Variants in ADARB2 observed in about 807,000 individuals in gnomAD.
The protein encoded by ADARB2 is adenosine deaminase RNA specific B2 (inactive), also known as inactive double-stranded RNA-specific editase B2.
In ADARB2, 25 loss-of-function variants were observed where a neutral mutation model predicts 62.2. The ratio of observed to expected loss-of-function variants is 0.40; its 90% CI spans 0.29 to 0.56. ADARB2 has a LOEUF of 0.56. Ranked by LOEUF, ADARB2 falls within the 20% of genes least tolerant of loss-of-function variation. The pLI is 0.43. For missense variants in ADARB2, 1,071 were observed against 1,077.4 expected (o/e 0.99, Z 0.08); for synonymous variants, 572 against 500.8 (o/e 1.14, Z -1.90).
At chr10:1,544,537 T>C (rs1175865252) in intron 1 of ADARB2, among the ~76,000 whole-genome samples, 5 of 152,004 alleles carry the variant, frequency 3.3e-5, no homozygotes, top group Non-Finnish European at 4.4e-5. Flanking sequence ...GTCTGCAGGG[T>C]TGGAGAAGGC....
Position 1,181,897 on chromosome 10 carries a change from A to G in ADARB2, c.*1296T>C, listed in dbSNP as rs1165556321. Reference sequence around the variant, plus strand: ...ATGGATTACGTAAAGATACTTGGAAAAGAGCCTGACCCCGTATGAATACAG... The same window carrying G: ...ATGGATTACGTAAAGATACTTGGAAGAGAGCCTGACCCCGTATGAATACAG... On this transcript the variant is annotated 3_prime_UTR_variant, in exon 10 of 10. Transcript: ENST00000381312. 3 of 152,226 alleles carry G rather than the reference A, an allele frequency of 2.0e-5. No homozygotes were observed. The highest frequency in any genetic ancestry group is 2.9e-5 in the Non-Finnish European group (2 of 68,052). 9.4% of individuals were successfully genotyped at this position (152,226 alleles called of 1,614,324 possible). A position where few individuals can be genotyped will look rare whatever the true frequency, so the allele number is the denominator to read the frequency against.
intron 1 of ADARB2, among the ~76,000 whole-genome samples, chr10:1,597,868 C>T (rs1441174898): frequency 6.6e-6 from 1 of 152,196 alleles, no homozygotes; most frequent in Non-Finnish European, 1.5e-5. Flanking sequence ...ATGGAATCAA[C>T]CTAAGTGTCC....
In ADARB2 at chr10:1,488,268, C is replaced by T. The variant is rs909322037; in HGVS notation, c.101-109108G>A. Among the ~76,000 whole-genome samples the T allele has an allele frequency of 4.6e-5, 7 of 151,998 alleles. No homozygotes were observed. In the East Asian group the frequency reaches 1.4e-3, roughly 30 times the overall value. On this transcript the variant is annotated intron_variant, in intron 1 of 9. Transcript: ENST00000381312. ...ACAAACATCCTACAGTTGGCACTGCCTTTTAAAGCACATCCAAAAATGACC... is the reference window on the plus strand; with the variant it reads ...ACAAACATCCTACAGTTGGCACTGCTTTTTAAAGCACATCCAAAAATGACC...
At chr10:1,437,831 A>G (rs1431386874) in intron 1 of ADARB2, among the ~76,000 whole-genome samples, 2 of 152,226 alleles carry the variant, frequency 1.3e-5, no homozygotes, top group African/African-American at 4.8e-5. Flanking sequence ...TAAAATGGGC[A>G]GAGGATATGG....
At chr10:1,268,223 GAAA>G (rs1209023617) in intron 4 of ADARB2, among the ~76,000 whole-genome samples, 1 of 152,130 alleles carries the variant, frequency 6.6e-6, no homozygotes, top group Admixed American at 6.6e-5. Flanking sequence ...AGAATCACAA[GAAA>G]AAAATTTGAA....
At chr10:1,304,660 C>G (rs1360835638) in intron 3 of ADARB2, among the ~76,000 whole-genome samples, 1 of 150,014 alleles carries the variant, frequency 6.7e-6, no homozygotes, top group Non-Finnish European at 1.5e-5. Context: ...AAAGAACAGA[C>G]ATTATAACAA....
In ADARB2 at chr10:1,409,224, G is replaced by A. The variant is rs1478446045; in HGVS notation, c.101-30064C>T. 4.1e-5 allele frequency among the ~76,000 whole-genome samples: 4 copies of A among 97,026 alleles called. 1 individual carries two copies. Among genetic ancestry groups the A allele is most frequent in the African/African-American group, 8.8e-5 (3 of 33,948 alleles). 63.7% of individuals were successfully genotyped at this position (97,026 alleles called of 152,430 possible). On this transcript the variant is annotated intron_variant, in intron 1 of 9. Coordinates refer to ENST00000381312, the MANE Select transcript of ADARB2 (RefSeq NM_018702.4). ...CTGACAGCGGGCTCCCACCTTCGTC[G>A]CCCCGCCCTGCCTGACAGCGGGCTC...
At chr10:1,372,104 T>C (rs1457502851) in intron 2 of ADARB2, among the ~76,000 whole-genome samples, 1 of 152,222 alleles carries the variant, frequency 6.6e-6, no homozygotes, top group African/African-American at 2.4e-5. Flanking sequence ...ATGTAGTACA[T>C]ATACACCATG....
intron 1 of ADARB2, among the ~76,000 whole-genome samples, chr10:1,620,955 T>G (rs1206907110): frequency 6.6e-6 from 1 of 152,230 alleles, no homozygotes; most frequent in Middle Eastern, 3.2e-3. Flanking sequence ...CAATGGAACT[T>G]CTGCAAGCTA....
At chr10:1,716,922 T>G (rs758869481) in intron 1 of ADARB2, among the ~76,000 whole-genome samples, 5 of 152,188 alleles carry the variant, frequency 3.3e-5, no homozygotes, top group Non-Finnish European at 7.4e-5. Flanking sequence ...TGCAGGCCTT[T>G]TGAATTCACT....
chr10:1,235,438 G>A (rs1055695545), intron 5 of ADARB2, among the ~76,000 whole-genome samples: 2 of 40,720 alleles, frequency 4.9e-5, no homozygotes, highest in Non-Finnish European at 1.0e-4. Flanking sequence ...GGCGCTGAAC[G>A]AACATGCCTG....
At chr10:1,184,587 GCCGTGCCGGCT>G (rs1836725783) in intron 9 of ADARB2, among the ~76,000 whole-genome samples, 1 of 152,232 alleles carries the variant, frequency 6.6e-6, no homozygotes. Flanking sequence ...AGCAGGTGGT[GCCGTGCCGGCT>G]CCGTCAGGGG....
intron 1 of ADARB2, among the ~76,000 whole-genome samples, chr10:1,397,872 G>A (rs1432422690): frequency 5.2e-5 from 6 of 114,358 alleles, no homozygotes; most frequent in African/African-American, 2.1e-4. Context: ...AGGCTTCCTG[G>A]GTCACCGTCC....
At chr10:1,498,553 A>G (rs1216411434) in intron 1 of ADARB2, among the ~76,000 whole-genome samples, 2 of 152,172 alleles carry the variant, frequency 1.3e-5, no homozygotes, top group African/African-American at 4.8e-5. Context: ...AAAAAAAATT[A>G]CTGTTTATAA....
chr10:1,399,899 G>A (rs1832647719), intron 1 of ADARB2, among the ~76,000 whole-genome samples: 1 of 152,202 alleles, frequency 6.6e-6, no homozygotes, highest in African/African-American at 2.4e-5. Context: ...GTGGGAGGCT[G>A]CCCCAAGGAA....
chr10:1,692,029 C>T (rs751168734), intron 1 of ADARB2, among the ~76,000 whole-genome samples: 3 of 152,220 alleles, frequency 2.0e-5, no homozygotes, highest in Non-Finnish European at 2.9e-5. Context: ...TGATGCACAG[C>T]ACAGTGCCTG....
chr10:1,242,067 C>A lies in ADARB2; in HGVS notation c.1361+64G>T. The stretch of plus-strand genomic sequence containing the variant: ...TTCTGAGCCAGGCATGGGGCCCCAT[C>A]TGCTCCCTGGCAGCCCCCAGCCGCG... On this transcript the variant is annotated intron_variant, in intron 5 of 9. Coordinates refer to ENST00000381312, the MANE Select transcript of ADARB2 (RefSeq NM_018702.4). The A allele has an allele frequency of 4.0e-6, 6 of 1,509,078 alleles. No homozygotes were observed. The South Asian group carries it at 7.6e-5, about 19-fold the overall frequency. The allele number at this position is 1,509,078 out of a possible 1,614,324, so 93.5% of individuals were successfully genotyped here. A position where few individuals can be genotyped will look rare whatever the true frequency, so the allele number is the denominator to read the frequency against.
At chr10:1,455,529 A>G (rs1175656638) in intron 1 of ADARB2, among the ~76,000 whole-genome samples, 1 of 152,198 alleles carries the variant, frequency 6.6e-6, no homozygotes, top group Non-Finnish European at 1.5e-5. Flanking sequence ...TCTTTATGGA[A>G]AGTTAAGCTC....
chr10:1,199,771 G>A, intron 8 of ADARB2, 195 bp downstream of exon 8: 1 of 561,780 alleles, frequency 1.8e-6, no homozygotes, highest in Non-Finnish European at 3.0e-6. Flanking sequence ...TCAGGACCTG[G>A]CCTATTGCTA....
Sources: gnomAD v4.1 joint callset for allele counts (sites outside exome capture counted in the v4.1 genomes callset) on GRCh38, gnomAD v4.1.1 for gene constraint, MANE v1.5 for transcripts, NCBI Gene and HGNC (gene_info 2026-07-23, HGNC 2026-07-21) for gene names.